Variants in DNAAF9 observed in about 807,000 individuals in gnomAD.
DNAAF9 encodes the protein shulin.
Under a neutral mutation model 167.0 loss-of-function variants are expected in DNAAF9, and 90 were observed. The observed-to-expected ratio is 0.54, with a 90% CI of 0.45 to 0.64. The LOEUF is 0.64. Ranked by LOEUF, DNAAF9 falls within the 30% of genes least tolerant of loss-of-function variation. The pLI is 0.00. For synonymous variants in DNAAF9, 491 were observed against 508.8 expected (o/e 0.96, Z 0.47); for missense variants, 1,315 against 1,442.2 (o/e 0.91, Z 1.43).
rs902870727 is a variant in DNAAF9 at position 3,252,599 on chromosome 20, A to C, written c.3507T>G (p.Tyr1169Ter). 1 of 1,609,868 alleles carries C rather than the reference A, an allele frequency of 6.2e-7. No individual in the cohort carries two copies. Among genetic ancestry groups the C allele is most frequent in the African/African-American group, 1.3e-5 (1 of 74,934 alleles). The change falls in exon 37 of 37, where the codon TAT (tyrosine) becomes TAG (stop). Residue 1169 changes from tyrosine (Y) to a stop codon, truncating the protein, a stop_gained. Coordinates refer to ENST00000252032, the MANE Select transcript of DNAAF9 (RefSeq NM_001009984.3). LOFTEE classifies it high-confidence loss of function. The part of the protein sequence containing the change: ...KYNQELEQQE[Y>*]HDLFELKP ...AGGGCTTCAGCTCAAAGAGGTCATGATACTCCTGCTGTTCCAGCTCCTGGT... is the reference window on the plus strand; with the variant it reads ...AGGGCTTCAGCTCAAAGAGGTCATGCTACTCCTGCTGTTCCAGCTCCTGGT...
At chr20:3,268,463 G>C (rs1050642542) in intron 30 of DNAAF9, among the ~76,000 whole-genome samples, 2 of 152,006 alleles carry the variant, frequency 1.3e-5, no homozygotes, top group Non-Finnish European at 2.9e-5. Context: ...TGAGTAGCTG[G>C]GATTATAGGC....
chr20:3,344,765 C>T (rs1300889426), intron 8 of DNAAF9, among the ~76,000 whole-genome samples: 2 of 152,124 alleles, frequency 1.3e-5, no homozygotes, highest in East Asian at 3.9e-4. Context: ...AAGTTCTATC[C>T]ATGTACATGT....
chr20:3,343,087 A>T (rs2070119654), intron 9 of DNAAF9, among the ~76,000 whole-genome samples: 1 of 151,988 alleles, frequency 6.6e-6, no homozygotes, highest in Non-Finnish European at 1.5e-5. Context: ...ATTTATTTTC[A>T]TTTGCTTCCT....
chr20:3,333,196 TG>T (rs1232627836), intron 10 of DNAAF9, among the ~76,000 whole-genome samples: 1 of 152,178 alleles, frequency 6.6e-6, no homozygotes, highest in African/African-American at 2.4e-5. Flanking sequence ...ACATAGACCC[TG>T]CGGAAGAGAA....
chr20:3,303,808 C>T (rs1320414159), intron 21 of DNAAF9, among the ~76,000 whole-genome samples: 1 of 152,208 alleles, frequency 6.6e-6, no homozygotes, highest in Non-Finnish European at 1.5e-5. Context: ...AGGGTAAAGG[C>T]TAGGGGAAAC....
intron 25 of DNAAF9, among the ~76,000 whole-genome samples, chr20:3,291,344 TG>T (rs368441605): frequency 4.6e-5 from 7 of 150,788 alleles, no homozygotes; most frequent in African/African-American, 9.7e-5. Context: ...TAAGTTTTTT[TG>T]TTTTTTTTTT....
Position 3,298,117 on chromosome 20 carries a change from T to A in DNAAF9, c.1841A>T (p.His614Leu). ...TGATCCATGGAAATGAACTGGGAGG[T>A]GAGGAAGCAATGAGCTTTTGAAGTC... ...LIDFKSSLLP[H>L]LPVHFHGSSN... is the part of the protein sequence containing the mutation. Residue 614 changes from histidine (H) to leucine (L), a missense_variant, in exon 22 of 37, where the codon CAC becomes CTC. Coordinates refer to ENST00000252032, the MANE Select transcript of DNAAF9 (RefSeq NM_001009984.3). The A allele has an allele frequency of 6.2e-7, 1 of 1,612,390 alleles. No homozygotes were observed. Among genetic ancestry groups the A allele is most frequent in the Non-Finnish European group, 8.5e-7 (1 of 1,178,818 alleles).
rs1360348171 is a variant in DNAAF9, at chr20:3,270,071, A to C, written c.2786+356T>G. The stretch of plus-strand genomic sequence containing the variant: ...AGGCTGGTCTCAAACTCCTGACTCA[A>C]GATCCTCCCACCTCAGCCACCCAAA... On this transcript the variant is annotated intron_variant, in intron 30 of 36. Coordinates refer to ENST00000252032, the MANE Select transcript of DNAAF9 (RefSeq NM_001009984.3). 4.6e-5 allele frequency among the ~76,000 whole-genome samples: 7 copies of C among 151,520 alleles called. No individual in the cohort carries two copies. The East Asian group carries it at 1.4e-3, about 29-fold the overall frequency.
intron 23 of DNAAF9, 183 bp downstream of exon 23, chr20:3,296,678 G>A: frequency 3.3e-6 from 2 of 612,700 alleles, no homozygotes; most frequent in Admixed American, 2.8e-5. Flanking sequence ...ACTGCACATG[G>A]CCCTCTCTTG....
intron 25 of DNAAF9, among the ~76,000 whole-genome samples, chr20:3,292,387 C>T (rs776086466): frequency 3.3e-5 from 5 of 152,198 alleles, no homozygotes; most frequent in Non-Finnish European, 5.9e-5. Flanking sequence ...TGACGTTTCT[C>T]ATTGCTTAGT....
chr20:3,372,325 A>G (rs1262349075), intron 6 of DNAAF9, among the ~76,000 whole-genome samples: 3 of 152,286 alleles, frequency 2.0e-5, no homozygotes, highest in South Asian at 4.1e-4. Context: ...GTGGGGTAGA[A>G]TGAAATGTGC....
At chr20:3,286,868 T>A (rs764142825) in intron 27 of DNAAF9, among the ~76,000 whole-genome samples, 2 of 152,216 alleles carry the variant, frequency 1.3e-5, no homozygotes, top group African/African-American at 4.8e-5. Flanking sequence ...AAAGCTTCTT[T>A]ATTACCACCA....
At chr20:3,322,085 AG>A in intron 16 of DNAAF9, 131 bp downstream of exon 16, 1 of 676,070 alleles carries the variant, frequency 1.5e-6, no homozygotes, top group Non-Finnish European at 2.7e-6. Context: ...TGGCTGGGAT[AG>A]GACTGAGAGA....
Position 3,330,649 on chromosome 20 carries a change from T to C in DNAAF9, c.1097A>G (p.Gln366Arg). The stretch of plus-strand genomic sequence containing the variant: ...AAAATAAAATATGAAGACTTACATT[T>C]GTTCAGTTTTCTTGGGCAGCTTGCT... Reference protein sequence around the residue: ...GDSKLPKKTEQIRLLSQIYAA... With the variant: ...GDSKLPKKTERIRLLSQIYAA... Residue 366 changes from glutamine to arginine, a missense_variant, in exon 12 of 37, where the codon CAA (glutamine) becomes CGA (arginine). Around this residue, in one of 2 missense-constraint regions of DNAAF9, gnomAD observed 981 missense variants for 1,012.5 expected, o/e 0.97. Transcript: ENST00000252032. 6.3e-7 allele frequency: 1 copy of C among 1,590,080 alleles called. No individual in the cohort carries two copies. Among genetic ancestry groups the C allele is most frequent in the Non-Finnish European group, 8.6e-7 (1 of 1,159,712 alleles).
intron 10 of DNAAF9, among the ~76,000 whole-genome samples, chr20:3,336,909 C>G (rs1218357842): frequency 2.9e-5 from 4 of 137,202 alleles, no homozygotes; most frequent in Non-Finnish European, 6.2e-5. Flanking sequence ...GAGATGGAGT[C>G]TCGCTCTGTC....
At chr20:3,330,741 A>T in intron 11 of DNAAF9, 59 bp from the exon 12 acceptor site, 1 of 1,019,336 alleles carries the variant, frequency 9.8e-7, no homozygotes, top group Non-Finnish European at 1.5e-6. Context: ...ACACTTAACA[A>T]GGAAGCTAGA....
intron 1 of DNAAF9, among the ~76,000 whole-genome samples, chr20:3,394,060 GGGTGCA>G (rs2083865989): frequency 6.6e-6 from 1 of 152,000 alleles, no homozygotes; most frequent in Non-Finnish European, 1.5e-5. Flanking sequence ...GTATTGGGCC[GGGTGCA>G]GTGGCTCCCG....
intron 16 of DNAAF9, among the ~76,000 whole-genome samples, chr20:3,318,849 C>T (rs1451475880): frequency 3.9e-5 from 6 of 152,012 alleles, no homozygotes; most frequent in East Asian, 3.9e-4. Flanking sequence ...GAGGTTGAGG[C>T]GGGTGGATCA....
At chr20:3,340,454 C>CCCCCCCCCA in intron 10 of DNAAF9, 50 bp downstream of exon 10, 3 of 1,053,078 alleles carry the variant, frequency 2.8e-6, no homozygotes, top group South Asian at 4.6e-5. Context: ...ACCCCACCCC[C>CCCCCCCCCA]ACAACTTGAT....
Sources: allele counts gnomAD v4.1 joint callset (sites outside exome capture counted in the v4.1 genomes callset), GRCh38; gene constraint gnomAD v4.1.1; regional missense constraint gnomAD v4.1.1; transcripts MANE v1.5; gene names NCBI Gene and HGNC (gene_info 2026-07-23, HGNC 2026-07-21).